Variants in UROS observed in about 807,000 individuals in gnomAD.
The protein encoded by UROS is uroporphyrinogen-III synthase.
In UROS, 18 loss-of-function variants were observed where a neutral mutation model predicts 33.0. That is an observed-to-expected ratio of 0.55 (90% CI 0.38 to 0.81). UROS has a LOEUF of 0.81. UROS is among the 30% of genes least tolerant of loss of function. The pLI, the probability that UROS is intolerant of heterozygous loss-of-function variation, is 0.00. For synonymous variants in UROS, 114 were observed against 121.1 expected (o/e 0.94, Z 0.38); for missense variants, 293 against 314.9 (o/e 0.93, Z 0.53).
chr10:125,798,601 C>A (rs1466546091), intron 6 of UROS, among the ~76,000 whole-genome samples: 1 of 152,214 alleles, frequency 6.6e-6, no homozygotes, highest in Admixed American at 6.5e-5. Context: ...AGCCGGTAAC[C>A]GGCAGCCAGG....
At chr10:125,810,872 AT>A (rs1246917179) in intron 5 of UROS, among the ~76,000 whole-genome samples, 1 of 152,222 alleles carries the variant, frequency 6.6e-6, no homozygotes, top group African/African-American at 2.4e-5. Flanking sequence ...TTTCAAAGAC[AT>A]TTTTAAAAGT....
At chr10:125,821,717 GTCTT>G (rs1304249572) in intron 1 of UROS, among the ~76,000 whole-genome samples, 1 of 152,190 alleles carries the variant, frequency 6.6e-6, no homozygotes, top group African/African-American at 2.4e-5. Flanking sequence ...TGTTCACATG[GTCTT>G]TCTGAGTCTT....
At chr10:125,817,166 T>C (rs1456287021) in intron 1 of UROS, among the ~76,000 whole-genome samples, 5 of 151,838 alleles carry the variant, frequency 3.3e-5, no homozygotes, top group South Asian at 2.1e-4. Flanking sequence ...CGTTGGGTCA[T>C]ATTAGGGAAT....
downstream of UROS, chr10:125,788,520 A>T: frequency 8.5e-7 from 1 of 1,177,662 alleles, no homozygotes; most frequent in African/African-American, 1.5e-5. Context: ...AGGTGGGCAT[A>T]CCTGTCTCCT....
At chr10:125,796,059 C>A (rs1181665432) in intron 8 of UROS, 44 bp downstream of exon 8, 11 of 1,590,430 alleles carry the variant, frequency 6.9e-6, no homozygotes, top group Non-Finnish European at 9.5e-6. Context: ...TGCTTCCCCA[C>A]CTGGGCACCC....
chr10:125,795,109 G>T, intron 8 of UROS, 131 bp from the exon 9 acceptor site: 1 of 774,040 alleles, frequency 1.3e-6, no homozygotes, highest in Non-Finnish European at 2.3e-6. Context: ...AGTGGTTCCC[G>T]GCTGATGCTG....
intron 6 of UROS, among the ~76,000 whole-genome samples, chr10:125,798,619 C>T (rs1564782489): frequency 6.6e-6 from 1 of 152,220 alleles, no homozygotes; most frequent in East Asian, 1.9e-4. Context: ...AGGAGTGGCT[C>T]TGCAGCCACC....
At chr10:125,793,211 T>C (rs1481129015) in intron 9 of UROS, 1 of 152,160 alleles carries the variant, frequency 6.6e-6, no homozygotes, top group East Asian at 1.9e-4. Context: ...ATTTGTGCTT[T>C]TAAATATGCT....
rs1197982140 is a variant in UROS, at chr10:125,794,861, A to T, written c.660+19T>A. 1 of 1,601,254 alleles carries T rather than the reference A, an allele frequency of 6.2e-7. No individual in the cohort carries two copies. ...AAAAAAGAATCTGAAAAAGACCAAA[A>T]GCTCATTGAATAACTTACCTTAATT... On this transcript the variant is annotated intron_variant, in intron 9 of 9. Coordinates refer to ENST00000368797, the MANE Select transcript of UROS (RefSeq NM_000375.3).
At chr10:125,810,949 C>T (rs1188063716) in intron 5 of UROS, among the ~76,000 whole-genome samples, 16 of 152,202 alleles carry the variant, frequency 1.1e-4, no homozygotes, top group Admixed American at 1.0e-3. Flanking sequence ...ATGTCCTTTT[C>T]CTTCACAACT....
rs121908021 is a variant in UROS at position 125,788,923 on chromosome 10, G to T, written c.743C>A (p.Pro248Gln). 6.2e-7 allele frequency: 1 copy of T among 1,608,814 alleles called. No homozygotes were observed. The change falls in exon 10 of 10, where the codon CCA (proline) becomes CAA (glutamine). Residue 248 changes from proline to glutamine, a missense_variant. By Grantham distance (76) the Pro-to-Gln change is moderately conservative (BLOSUM62 -1). Coordinates refer to ENST00000368797, the MANE Select transcript of UROS (RefSeq NM_000375.3). ...CCTGATGCCAGTGGCCAGGGCTTGTGGCGTGGGGCTCTCTGCAGTGCAGCT... is the reference window on the plus strand; with the variant it reads ...CCTGATGCCAGTGGCCAGGGCTTGTTGCGTGGGGCTCTCTGCAGTGCAGCT... The part of the protein sequence containing the change: ...PVSCTAESPT[P>Q]QALATGIRKA...
rs899185410 is a variant in UROS at position 125,788,685 on chromosome 10, G to A, written c.*183C>T. On this transcript the variant is annotated 3_prime_UTR_variant, in exon 10 of 10. Coordinates refer to ENST00000368797, the MANE Select transcript of UROS (RefSeq NM_000375.3). Reference sequence around the variant, plus strand: ...GCTGGCTTCCACAGAGGGCAGTCACGTGCACGTGGGCCTGAGGCCAGCCCC... The same window carrying A: ...GCTGGCTTCCACAGAGGGCAGTCACATGCACGTGGGCCTGAGGCCAGCCCC... 21 of 1,430,988 alleles carry A rather than the reference G, an allele frequency of 1.5e-5. No homozygotes were observed. Among genetic ancestry groups the A allele is most frequent in the African/African-American group, 2.9e-5 (2 of 69,616 alleles). The allele number at this position is 1,430,988 out of a possible 1,614,324, so 88.6% of individuals were successfully genotyped here.
At chr10:125,817,515 C>T (rs75654964) in intron 1 of UROS, among the ~76,000 whole-genome samples, 2,411 of 151,956 alleles carry the variant, frequency 0.016, 59 homozygotes, top group African/African-American at 0.054. Context: ...CTGGTCTCAG[C>T]TTTATGACTT....
intron 4 of UROS, among the ~76,000 whole-genome samples, chr10:125,813,674 T>C (rs1002823507): frequency 6.6e-6 from 1 of 152,188 alleles, no homozygotes; most frequent in African/African-American, 2.4e-5. Context: ...AGATGGGGTT[T>C]CACCATGTTG....
In UROS at chr10:125,800,568, T is replaced by TC. The variant is rs1173093482; in HGVS notation, c.395-2424_395-2423insG. Among the ~76,000 whole-genome samples the TC allele has an allele frequency of 2.6e-3, 386 of 150,278 alleles. 2 individuals carry two copies. Among genetic ancestry groups the TC allele is most frequent in the South Asian group, 3.6e-3 (17 of 4,754 alleles). ...GAGAGCTTTTCTTTCTTTCTTTCTT[T>TC]TTTTTTTTTTTGTGACGGAGTCTCA... is the stretch of plus-strand genomic sequence containing the variant. On this transcript the variant is annotated intron_variant, in intron 6 of 9. Transcript: ENST00000368797.
chr10:125,800,053 T>C (rs1851698601), intron 6 of UROS, among the ~76,000 whole-genome samples: 1 of 152,144 alleles, frequency 6.6e-6, no homozygotes, highest in Non-Finnish European at 1.5e-5. Context: ...TCCGGGCTGA[T>C]GATGAGTAAT....
intron 9 of UROS, chr10:125,794,395 C>T (rs1851175215): frequency 2.0e-6 from 2 of 1,008,366 alleles, no homozygotes; most frequent in African/African-American, 1.7e-5. Context: ...GTTTCTATTA[C>T]AGACACAAGA....
intron 1 of UROS, among the ~76,000 whole-genome samples, chr10:125,818,753 GA>G (rs946243900): frequency 6.6e-6 from 1 of 152,142 alleles, no homozygotes; most frequent in African/African-American, 2.4e-5. Flanking sequence ...CTGTACATTG[GA>G]AAGGGGCTGT....
intron 6 of UROS, chr10:125,807,043 G>T: frequency 4.0e-6 from 1 of 248,922 alleles, no homozygotes; most frequent in Middle Eastern, 1.5e-3. Flanking sequence ...TTCAGAGACA[G>T]AAGTAGCTCC....
Sources: gnomAD v4.1 joint callset for allele counts (sites outside exome capture counted in the v4.1 genomes callset) on GRCh38, gnomAD v4.1.1 for gene constraint, MANE v1.5 for transcripts, NCBI Gene and HGNC (gene_info 2026-07-23, HGNC 2026-07-21) for gene names.